TUSC3: variants seen among roughly 807,000 people sequenced by gnomAD.
The protein encoded by TUSC3 is dolichyl-diphosphooligosaccharide--protein glycosyltransferase subunit TUSC3.
A neutral mutation model predicts 44.8 loss-of-function variants in TUSC3; 45 were observed. The observed-to-expected ratio is 1.00, with a 90% CI of 0.79 to 1.29. The LOEUF (loss-of-function observed/expected upper bound fraction) is 1.29. Ranked by LOEUF, TUSC3 falls within the 50% of genes most tolerant of loss-of-function variation. The probability of loss-of-function intolerance (pLI) is 0.00; values close to 1 mark genes in which losing one functional copy is unlikely to be tolerated. For missense variants in TUSC3, 519 were observed against 437.9 expected (o/e 1.19, Z -1.65); for synonymous variants, 212 against 152.9 (o/e 1.39, Z -2.85).
At chr8:15,633,423 C>T (rs961181386) in intron 2 of TUSC3, among the ~76,000 whole-genome samples, 4 of 152,144 alleles carry the variant, frequency 2.6e-5, no homozygotes, top group African/African-American at 9.7e-5. Flanking sequence ...GGAATTGTTT[C>T]TTTCCAAAAA....
At chr8:15,831,784 T>C in the TUSC3 span, among the ~76,000 whole-genome samples, 8 of 152,140 alleles carry the variant, frequency 5.3e-5, no homozygotes, top group Admixed American at 5.2e-4. Context: ...ACAAGAAATG[T>C]GGAATTATGT....
the TUSC3 span, among the ~76,000 whole-genome samples, chr8:15,784,515 T>TGC: frequency 6.8e-6 from 1 of 147,076 alleles, no homozygotes; most frequent in Non-Finnish European, 1.5e-5. Flanking sequence ...TGTGTGTGTG[T>TGC]GCATATATAT....
At chr8:15,459,851 TGTGTATGTGTGTGTGTGTGTGTGTATAC>T (rs1338244608) in intron 1 of TUSC3, among the ~76,000 whole-genome samples, 7 of 149,312 alleles carry the variant, frequency 4.7e-5, no homozygotes, top group African/African-American at 1.8e-4. Context: ...TGTGTGTGTG[TGTGTATGTGTGTGTGTGTGTGTGTATAC>T]ATACATACAT....
At chr8:15,837,401 G>C in the TUSC3 span, among the ~76,000 whole-genome samples, 1 of 151,842 alleles carries the variant, frequency 6.6e-6, no homozygotes, top group Non-Finnish European at 1.5e-5. Context: ...GTTTCTTTTT[G>C]TCAGACTAAT....
rs778668447 is a variant in TUSC3, at chr8:15,760,708, C to T, written c.*46+2853C>T. On this transcript the variant is annotated intron_variant, in intron 10 of 10. Transcript: ENST00000503731. ...TGTGTTGGCTGCTTTTGCACTACGACAGTTCAGCTGAGTGGTTTCAGCAAA... is the reference window on the plus strand; with the variant it reads ...TGTGTTGGCTGCTTTTGCACTACGATAGTTCAGCTGAGTGGTTTCAGCAAA... Among the ~76,000 whole-genome samples the T allele has an allele frequency of 2.5e-4, 38 of 152,184 alleles. 1 individual carries two copies. The highest frequency in any genetic ancestry group is 4.7e-4 in the Non-Finnish European group (32 of 68,026).
At chr8:15,783,500 A>T in the TUSC3 span, among the ~76,000 whole-genome samples, 97 of 152,346 alleles carry the variant, frequency 6.4e-4, 1 homozygote, top group East Asian at 0.017. Flanking sequence ...TATTCAAAAC[A>T]ACATGGTACT....
At chr8:15,728,055 AGT>A (rs1381811160) in intron 6 of TUSC3, among the ~76,000 whole-genome samples, 2 of 152,212 alleles carry the variant, frequency 1.3e-5, no homozygotes, top group Non-Finnish European at 2.9e-5. Context: ...CTAAGGACAA[AGT>A]GTGATTTATT....
chr8:15,524,843 T>G (rs1288395029), intron 2 of TUSC3, among the ~76,000 whole-genome samples: 1 of 152,184 alleles, frequency 6.6e-6, no homozygotes, highest in Non-Finnish European at 1.5e-5. Context: ...AATACAGTTG[T>G]CTTTTATTAA....
At chr8:15,574,236 C>G (rs577916876) in intron 1 of TUSC3, among the ~76,000 whole-genome samples, 3 of 152,110 alleles carry the variant, frequency 2.0e-5, no homozygotes, top group Admixed American at 6.5e-5. Flanking sequence ...CTTCCTCTTG[C>G]GTTTCTCCTT....
chr8:15,744,137 C>G (rs1811308671), intron 8 of TUSC3, among the ~76,000 whole-genome samples: 1 of 152,160 alleles, frequency 6.6e-6, no homozygotes, highest in African/African-American at 2.4e-5. Flanking sequence ...TTTCCAGGGT[C>G]TTTGCCTTTT....
rs576162410 is a variant in TUSC3 at position 15,464,590 on chromosome 8, C to G, written n.92-18796C>G. 1.5e-4 allele frequency among the ~76,000 whole-genome samples: 23 copies of G among 152,280 alleles called. 1 individual carries two copies. Among genetic ancestry groups the G allele is most frequent in the African/African-American group, 5.1e-4 (21 of 41,552 alleles). ...GATATGTTGTATCATCCTAATATAT[C>G]AGTCTTTTATATCTAATAAACTTTA... is the stretch of plus-strand genomic sequence containing the variant. On this transcript the variant is annotated intron_variant and non_coding_transcript_variant, in intron 1 of 5. Coordinates refer to the TUSC3 transcript ENST00000503191.
chr8:15,741,346 G>C (rs1339316476), intron 7 of TUSC3, among the ~76,000 whole-genome samples: 2 of 152,224 alleles, frequency 1.3e-5, no homozygotes, highest in South Asian at 4.2e-4. Flanking sequence ...ATCATAAAAT[G>C]AATGTATGTT....
intron 1 of TUSC3, among the ~76,000 whole-genome samples, chr8:15,446,248 T>C (rs1166466712): frequency 6.7e-6 from 1 of 148,728 alleles, no homozygotes; most frequent in Non-Finnish European, 1.5e-5. Context: ...CTAGATGGGA[T>C]GGCGGCCGGG....
In TUSC3 at chr8:15,526,832, G is replaced by T. The variant is rs547203426; in HGVS notation, n.189+43349G>T. ...CGTTTGAAGTCTCAGTGTTGAGGGA[G>T]ACTAGGGGTGGCTTTCAGAAAAACA... On this transcript the variant is annotated intron_variant and non_coding_transcript_variant, in intron 2 of 5. Transcript: ENST00000503191. Among the ~76,000 whole-genome samples the T allele has an allele frequency of 1.2e-3, 176 of 152,288 alleles. 1 individual carries two copies. The highest frequency in any genetic ancestry group is 4.0e-3 in the African/African-American group (166 of 41,550).
chr8:15,606,221 T>G (rs562280506), intron 1 of TUSC3, among the ~76,000 whole-genome samples: 3 of 152,198 alleles, frequency 2.0e-5, no homozygotes, highest in African/African-American at 7.2e-5. Context: ...TGATTCATCT[T>G]GTAAACAGGT....
chr8:15,688,371 T>G, intron 6 of TUSC3, among the ~76,000 whole-genome samples: 1 of 152,128 alleles, frequency 6.6e-6, no homozygotes, highest in East Asian at 1.9e-4. Context: ...TCTCTGACTT[T>G]AGTAAGTTTT....
chr8:15,570,954 G>GTTTTTTTTTGTTTTTTTTTTTTTTTTTTT (rs1802851052), intron 1 of TUSC3, among the ~76,000 whole-genome samples: 1 of 44,494 alleles, frequency 2.2e-5, no homozygotes, highest in Non-Finnish European at 5.2e-5. Flanking sequence ...TTGCCTATTA[G>GTTTTTTTTTGTTTTTTTTTTTTTTTTTTT]TTTTTTTTTT....
the TUSC3 span, among the ~76,000 whole-genome samples, chr8:15,786,373 T>C: frequency 6.6e-6 from 1 of 152,206 alleles, no homozygotes; most frequent in Non-Finnish European, 1.5e-5. Context: ...TAGACTACTT[T>C]TAAGGGGAAA....
the TUSC3 span, among the ~76,000 whole-genome samples, chr8:15,816,321 CTG>C: frequency 6.6e-6 from 1 of 152,100 alleles, no homozygotes; most frequent in East Asian, 1.9e-4. Flanking sequence ...TGAGTATAAT[CTG>C]TGAGTATTAA....
Sources: gnomAD v4.1 joint callset for allele counts (sites outside exome capture counted in the v4.1 genomes callset) on GRCh38, gnomAD v4.1.1 for gene constraint, MANE v1.5 for transcripts, NCBI Gene and HGNC (gene_info 2026-07-23, HGNC 2026-07-21) for gene names.